Variants in ARHGAP5 observed in about 807,000 individuals in gnomAD.
The protein encoded by ARHGAP5 is Rho GTPase activating protein 5.
In ARHGAP5, 23 loss-of-function variants were observed where a neutral mutation model predicts 116.6. That is an observed-to-expected ratio of 0.20 (90% confidence interval 0.14 to 0.28). The LOEUF is 0.28. Ranked by LOEUF, ARHGAP5 falls within the 10% of genes least tolerant of loss-of-function variation. The pLI is 1.00. For synonymous variants in ARHGAP5, 574 were observed against 602.0 expected, an observed-to-expected ratio of 0.95 and a Z score of 0.68; for missense variants, 1,405 against 1,774.8, an observed-to-expected ratio of 0.79 and a Z score of 3.74.
At chr14:32,123,985 A>G (rs372813594) in intron 3 of ARHGAP5, among the ~76,000 whole-genome samples, 2 of 152,166 alleles carry the variant, frequency 1.3e-5, no homozygotes, top group African/African-American at 4.8e-5. Context: ...GCAGTATTCA[A>G]CCAAAGAACC....
Position 32,092,719 on chromosome 14 carries a change from C to T in ARHGAP5, c.2050C>T (p.Gln684Ter). The T allele has an allele frequency of 6.2e-7, 1 of 1,613,478 alleles. No individual in the cohort carries two copies. The highest frequency in any genetic ancestry group is 8.5e-7 in the Non-Finnish European group (1 of 1,179,724). Residue 684 changes from glutamine to a stop codon, truncating the protein, a stop_gained, in exon 2 of 7, where the codon CAG becomes TAG. Coordinates refer to ENST00000345122, the MANE Select transcript of ARHGAP5 (RefSeq NM_001030055.2). LOFTEE classifies it high-confidence loss of function. This position sits in a 1 kb window ranked among gnomAD's most constrained non-coding sequence, Gnocchi z 4.1. ...TGGGAAAATAAGAACTGAAGCTTCT[C>T]AGATCAGAAAAGATAAATACATGGC... The part of the protein sequence containing the change: ...FIGKIRTEAS[Q>*]IRKDKYMANL...
intron 6 of ARHGAP5, among the ~76,000 whole-genome samples, chr14:32,153,339 G>A (rs180895881): frequency 2.9e-5 from 4 of 136,880 alleles, no homozygotes; most frequent in Middle Eastern, 4.5e-3. Flanking sequence ...CCCGGGAGGC[G>A]GAGGTTGCAA....
At position 32,092,368 on chromosome 14, in the gene ARHGAP5, A is replaced by G. The variant is rs532354884; in HGVS notation, c.1699A>G (p.Lys567Glu). 2 of 1,613,672 alleles carry G rather than the reference A, an allele frequency of 1.2e-6. No homozygotes were observed. The highest frequency in any genetic ancestry group is 1.7e-6 in the Non-Finnish European group (2 of 1,179,758). The change falls in exon 2 of 7, where the codon AAA becomes GAA. Residue 567 changes from lysine to glutamate, a missense_variant. By Grantham distance (56) the Lys-to-Glu change is moderately conservative. Transcript: ENST00000345122. The surrounding 1 kb of genome is among the most constrained non-coding windows in gnomAD (Gnocchi z 4.1). ...CLSGQNCTDI[K>E]VEQLLASSLL... ...TAGTGGCCAAAATTGTACAGACATT[A>G]AAGTGGAGCAGTTACTTGCTAGTAG...
chr14:32,100,945 A>C (rs1878763876), intron 2 of ARHGAP5, among the ~76,000 whole-genome samples: 1 of 152,148 alleles, frequency 6.6e-6, no homozygotes, highest in Non-Finnish European at 1.5e-5. Flanking sequence ...AGTTGGTTTG[A>C]TCTTTCTTCA....
In ARHGAP5 at chr14:32,117,031, A is replaced by C. The variant is rs1234438699; in HGVS notation, c.3718-109A>C. ...TCATATTGGTGGACATTTAGGTTGGATGTGGCTATAAAATTTTTCTTTTGA... is the reference window on the plus strand; with the variant it reads ...TCATATTGGTGGACATTTAGGTTGGCTGTGGCTATAAAATTTTTCTTTTGA... On this transcript the variant is annotated intron_variant, in intron 2 of 6. Coordinates refer to ENST00000345122, the MANE Select transcript of ARHGAP5 (RefSeq NM_001030055.2). 5.3e-6 allele frequency: 4 copies of C among 754,494 alleles called. No individual in the cohort carries two copies. In the East Asian group the frequency reaches 1.2e-4, roughly 23 times the overall value. 46.7% of individuals were successfully genotyped at this position (754,494 alleles called of 1,614,324 possible).
At chr14:32,124,934 G>A (rs1209704030) in intron 3 of ARHGAP5, among the ~76,000 whole-genome samples, 2 of 152,144 alleles carry the variant, frequency 1.3e-5, no homozygotes, top group Non-Finnish European at 2.9e-5. Flanking sequence ...ACACTAGGGA[G>A]AAGAAAAATT....
chr14:32,089,623 C>A (rs1361557448), intron 1 of ARHGAP5, among the ~76,000 whole-genome samples: 1 of 151,796 alleles, frequency 6.6e-6, no homozygotes, highest in Non-Finnish European at 1.5e-5. Flanking sequence ...TCAGATATAT[C>A]ATTTTAAAAT....
chr14:32,077,875 G>A (rs1015419149), intron 1 of ARHGAP5, among the ~76,000 whole-genome samples: 7 of 152,176 alleles, frequency 4.6e-5, no homozygotes, highest in African/African-American at 1.4e-4. Context: ...ACACGGGGCG[G>A]GTGCAGATTC....
At chr14:32,150,767 T>C (rs1881604410) in intron 5 of ARHGAP5, among the ~76,000 whole-genome samples, 1 of 152,178 alleles carries the variant, frequency 6.6e-6, no homozygotes, top group Non-Finnish European at 1.5e-5. Context: ...GGGGAAACAT[T>C]CAAACCATAG....
intron 1 of ARHGAP5, among the ~76,000 whole-genome samples, chr14:32,089,231 T>C (rs2041860486): frequency 6.6e-6 from 1 of 151,964 alleles, no homozygotes; most frequent in African/African-American, 2.4e-5. Flanking sequence ...TAGTGTAACA[T>C]ATGTTCGGTG....
At chr14:32,123,600 T>C (rs546469322) in intron 3 of ARHGAP5, among the ~76,000 whole-genome samples, 8 of 152,194 alleles carry the variant, frequency 5.3e-5, no homozygotes, top group African/African-American at 1.7e-4. Flanking sequence ...TTTTGATAGT[T>C]TTGATGTCAG....
rs766765970 is a variant in ARHGAP5 at position 32,093,469 on chromosome 14, T to C, written c.2800T>C (p.Phe934Leu). 4 of 1,613,100 alleles carry C rather than the reference T, an allele frequency of 2.5e-6. No homozygotes were observed. The highest frequency in any genetic ancestry group is 2.5e-6 in the Non-Finnish European group (3 of 1,179,704). Residue 934 changes from phenylalanine to leucine, a missense_variant, in exon 2 of 7, where the codon TTT (phenylalanine) becomes CTT (leucine). By Grantham distance (22) the Phe-to-Leu change is conservative. Around this residue, in one of 6 missense-constraint regions of ARHGAP5, gnomAD observed 944 missense variants for 1,095.3 expected, o/e 0.86. Transcript: ENST00000345122. ...YHRQTEVFTL[F>L]FSDVLEKKNM... ...TCGGCAAACTGAGGTCTTTACTCTG[T>C]TTTTTAGTGATGTTCTAGAGAAAAA... is the stretch of plus-strand genomic sequence containing the variant.
At chr14:32,086,935 A>C (rs1355476921) in intron 1 of ARHGAP5, among the ~76,000 whole-genome samples, 1 of 152,158 alleles carries the variant, frequency 6.6e-6, no homozygotes, top group East Asian at 1.9e-4. Context: ...TTGGGAATGA[A>C]GAGATTTTCC....
At position 32,117,302 on chromosome 14, in the gene ARHGAP5, T is replaced by C; in HGVS notation, c.3865+15T>C. ...TGAAGATACAGGTAGGATAGAAGAA[T>C]CATTGCAAGAGATTTGATTTTAAAT... On this transcript the variant is annotated intron_variant, in intron 3 of 6. Transcript: ENST00000345122. The C allele has an allele frequency of 6.4e-7, 1 of 1,558,994 alleles. No homozygotes were observed. The highest frequency in any genetic ancestry group is 8.7e-7 in the Non-Finnish European group (1 of 1,149,758).
At chr14:32,132,391 C>T (rs1594381675) in intron 3 of ARHGAP5, among the ~76,000 whole-genome samples, 1 of 152,108 alleles carries the variant, frequency 6.6e-6, no homozygotes, top group East Asian at 1.9e-4. Flanking sequence ...TTCTTTTGAG[C>T]AGTGTCTGTC....
intron 2 of ARHGAP5, among the ~76,000 whole-genome samples, chr14:32,112,874 A>C (rs1879381509): frequency 6.6e-6 from 1 of 152,174 alleles, no homozygotes. Context: ...CCGCCTCAAA[A>C]AAAAAAAAAT....
chr14:32,108,030 G>C (rs1879095308), intron 2 of ARHGAP5, among the ~76,000 whole-genome samples: 1 of 152,194 alleles, frequency 6.6e-6, no homozygotes, highest in African/African-American at 2.4e-5. Context: ...AACAGATCAA[G>C]TGTTTAGGGA....
chr14:32,153,083 C>T (rs1358794353), intron 6 of ARHGAP5, among the ~76,000 whole-genome samples: 2 of 146,802 alleles, frequency 1.4e-5, no homozygotes, highest in Non-Finnish European at 3.0e-5. Flanking sequence ...ATAGTATCAA[C>T]ACCCAAACCA....
At chr14:32,134,441 C>G (rs1204075210) in intron 3 of ARHGAP5, among the ~76,000 whole-genome samples, 1 of 152,122 alleles carries the variant, frequency 6.6e-6, no homozygotes, top group Non-Finnish European at 1.5e-5. Flanking sequence ...AGTATCACCG[C>G]AAAAAACTCT....
Sources: gnomAD v4.1 joint callset for allele counts (sites outside exome capture counted in the v4.1 genomes callset) on GRCh38, gnomAD v4.1.1 for gene constraint, gnomAD v4.1.1 regional missense constraint, Gnocchi (gnomAD v3.1) non-coding constraint, MANE v1.5 for transcripts, NCBI Gene and HGNC (gene_info 2026-07-23, HGNC 2026-07-21) for gene names.